The following SMOC2 variants were observed in gnomAD, a reference collection of about 807,000 sequenced individuals.
The protein encoded by SMOC2 is SPARC-related modular calcium-binding protein 2.
A neutral mutation model predicts 61.4 loss-of-function variants in SMOC2; 39 were observed. The observed-to-expected ratio is 0.64, with a 90% CI of 0.49 to 0.83. The LOEUF (loss-of-function observed/expected upper bound fraction) is 0.83. SMOC2 is among the 40% of genes least tolerant of loss of function. SMOC2 has a pLI of 0.00. For synonymous variants in SMOC2, 247 were observed against 239.9 expected (o/e 1.03, Z -0.27); for missense variants, 556 against 592.9 (o/e 0.94, Z 0.65).
chr6:168,480,004 C>A (rs1782171128), intron 1 of SMOC2, among the ~76,000 whole-genome samples: 5 of 152,256 alleles, frequency 3.3e-5, no homozygotes, highest in Non-Finnish European at 1.5e-5. Context: ...GGGAAAGGTG[C>A]AGGCTCAGAA....
In SMOC2 at chr6:168,526,379, C is replaced by G; in HGVS notation, c.290C>G (p.Thr97Ser). The change falls in exon 3 of 13, where the codon ACC becomes AGC. Residue 97 changes from threonine (T) to serine (S), a missense_variant. Physicochemically the swap from Thr to Ser is moderately conservative, Grantham distance 58 (BLOSUM62 1). Coordinates refer to ENST00000356284, the MANE Select transcript of SMOC2 (RefSeq NM_001166412.2). The part of the protein sequence containing the change: ...VSRCVAERKY[T>S]QEQARKEFQQ... ...AGGTGTGTGGCCGAAAGGAAGTATA[C>G]CCAGGAGCAAGCCCGGAAGGAGTTT... The G allele has an allele frequency of 6.2e-7, 1 of 1,614,218 alleles. No individual in the cohort carries two copies.
At chr6:168,547,320 AC>A (rs1424243901) in intron 6 of SMOC2, 151 bp downstream of exon 6, 1 of 636,696 alleles carries the variant, frequency 1.6e-6, no homozygotes, top group Non-Finnish European at 2.7e-6. Flanking sequence ...ACGTGATCTT[AC>A]TTATATGTGG....
At chr6:168,608,862 T>A (rs1785780194) in intron 9 of SMOC2, among the ~76,000 whole-genome samples, 1 of 152,204 alleles carries the variant, frequency 6.6e-6, no homozygotes, top group African/African-American at 2.4e-5. Context: ...ATCTCCAGAT[T>A]GTGTATGTTT....
At chr6:168,641,803 C>T (rs1410706468) in intron 9 of SMOC2, among the ~76,000 whole-genome samples, 2 of 152,200 alleles carry the variant, frequency 1.3e-5, no homozygotes, top group Admixed American at 6.5e-5. Flanking sequence ...CAGGCACTGA[C>T]TTCTAACCAA....
chr6:168,613,278 C>T (rs1287375699), intron 9 of SMOC2, among the ~76,000 whole-genome samples: 1 of 152,178 alleles, frequency 6.6e-6, no homozygotes, highest in East Asian at 1.9e-4. Context: ...CCATTCCTTC[C>T]TCCACCAGCT....
intron 7 of SMOC2, among the ~76,000 whole-genome samples, chr6:168,579,519 A>G (rs2115156000): frequency 6.6e-6 from 1 of 152,350 alleles, no homozygotes; most frequent in South Asian, 2.1e-4. Context: ...CTTTAAATAG[A>G]TTCAGTGTCC....
At chr6:168,636,315 G>A (rs960467863) in intron 9 of SMOC2, among the ~76,000 whole-genome samples, 3 of 152,216 alleles carry the variant, frequency 2.0e-5, no homozygotes, top group Admixed American at 1.3e-4. Flanking sequence ...AACATAGACA[G>A]ACTCTAATGT....
chr6:168,563,185 T>C (rs891283156), intron 7 of SMOC2, among the ~76,000 whole-genome samples: 1 of 152,106 alleles, frequency 6.6e-6, no homozygotes, highest in Admixed American at 6.5e-5. Context: ...TGTGTTTAAC[T>C]CACACTGATC....
At chr6:168,567,152 G>GA (rs1341993210) in intron 7 of SMOC2, among the ~76,000 whole-genome samples, 1 of 151,952 alleles carries the variant, frequency 6.6e-6, no homozygotes, top group East Asian at 1.9e-4. Flanking sequence ...GTTTGTATCA[G>GA]AAAAAAGGAT....
In SMOC2 at chr6:168,546,916, TTTA is replaced by T. The variant is rs1784017384; in HGVS notation, c.512-202_512-200del. 2.0e-5 allele frequency among the ~76,000 whole-genome samples: 3 copies of T among 152,328 alleles called. No homozygotes were observed. The East Asian group carries it at 5.8e-4, about 30-fold the overall frequency. On this transcript the variant is annotated intron_variant, in intron 5 of 12. Coordinates refer to ENST00000356284, the MANE Select transcript of SMOC2 (RefSeq NM_001166412.2). Reference sequence around the variant, plus strand: ...TAGGTCAGTGTCTAGCCTCGAGCATTTTAAGTAGCGGCTCACTCAAGACTGGTA... The same window carrying T: ...TAGGTCAGTGTCTAGCCTCGAGCATTAGTAGCGGCTCACTCAAGACTGGTA...
chr6:168,664,428 T>C, intron 12 of SMOC2: 1 of 422,100 alleles, frequency 2.4e-6, no homozygotes, highest in Non-Finnish European at 4.4e-6. Flanking sequence ...AGAGAAGGGG[T>C]TCTGCCATGT....
intron 9 of SMOC2, among the ~76,000 whole-genome samples, chr6:168,629,359 A>C (rs752040402): frequency 4.6e-5 from 7 of 152,176 alleles, no homozygotes; most frequent in Non-Finnish European, 7.4e-5. Flanking sequence ...AACCCCATTC[A>C]TCGACCTCTT....
In SMOC2 at chr6:168,560,502, A is replaced by ACG. The variant is rs1562348117; in HGVS notation, c.637+11299_637+11300insCG. On this transcript the variant is annotated intron_variant, in intron 7 of 12. Coordinates refer to ENST00000356284, the MANE Select transcript of SMOC2 (RefSeq NM_001166412.2). ...CTGTGCCCACCTTTCTGGCCCTGAG[A>ACG]TGTGAGGCTCTCACTGCGTTCTTGG... 1.1e-4 allele frequency among the ~76,000 whole-genome samples: 16 copies of ACG among 149,340 alleles called. 4 individuals carry two copies. The highest frequency in any genetic ancestry group is 3.3e-4 in the Admixed American group (5 of 14,998).
chr6:168,603,124 T>C (rs1463869565), intron 8 of SMOC2, among the ~76,000 whole-genome samples: 1 of 140,702 alleles, frequency 7.1e-6, no homozygotes, highest in Non-Finnish European at 1.6e-5. Flanking sequence ...TTTCCCCTGC[T>C]TGCACTCACT....
At chr6:168,465,436 A>G (rs968386304) in intron 1 of SMOC2, among the ~76,000 whole-genome samples, 9 of 151,868 alleles carry the variant, frequency 5.9e-5, no homozygotes, top group African/African-American at 1.9e-4. Flanking sequence ...AGGAACACAC[A>G]GTTCTCTGCT....
At chr6:168,448,153 G>A (rs1350335434) in intron 1 of SMOC2, among the ~76,000 whole-genome samples, 2 of 152,176 alleles carry the variant, frequency 1.3e-5, no homozygotes, top group Non-Finnish European at 2.9e-5. Context: ...TGATGATATT[G>A]AGGGCTGAGT....
intron 1 of SMOC2, among the ~76,000 whole-genome samples, chr6:168,501,072 G>C (rs981162445): frequency 2.6e-5 from 4 of 152,174 alleles, no homozygotes; most frequent in African/African-American, 4.8e-5. Flanking sequence ...TGACCCCTAA[G>C]AATCGTGGCC....
intron 7 of SMOC2, among the ~76,000 whole-genome samples, chr6:168,588,188 A>C (rs1785088492): frequency 7.0e-6 from 1 of 142,694 alleles, no homozygotes; most frequent in South Asian, 2.3e-4. Flanking sequence ...CAGTGGCATG[A>C]TCTCGGCTCA....
chr6:168,656,282 G>A (rs1293941197), intron 11 of SMOC2, among the ~76,000 whole-genome samples: 8 of 151,996 alleles, frequency 5.3e-5, no homozygotes, highest in African/African-American at 9.7e-5. Flanking sequence ...AGGCTGAAGC[G>A]GGTGGATCAC....
Sources: allele counts gnomAD v4.1 joint callset (sites outside exome capture counted in the v4.1 genomes callset), GRCh38; gene constraint gnomAD v4.1.1; transcripts MANE v1.5; gene names NCBI Gene and HGNC (gene_info 2026-07-23, HGNC 2026-07-21).